KCNQ3: variants seen among roughly 807,000 people sequenced by gnomAD.
The protein encoded by KCNQ3 is potassium voltage-gated channel subfamily Q member 3, also known as potassium voltage-gated channel subfamily KQT member 3.
A neutral mutation model predicts 92.5 loss-of-function variants in KCNQ3; 30 were observed. The observed-to-expected ratio is 0.32, with a 90% CI of 0.24 to 0.44. KCNQ3 has a LOEUF of 0.44. Among genes scored for constraint, KCNQ3 ranks in the 20% least tolerant of loss-of-function variants. The probability of loss-of-function intolerance (pLI) is 1.00; values close to 1 mark genes in which losing one functional copy is unlikely to be tolerated. For missense variants in KCNQ3, 913 were observed against 1,140.3 expected (o/e 0.80, Z 2.87); for synonymous variants, 450 against 468.8 (o/e 0.96, Z 0.52).
chr8:132,341,297 A>C (rs1375575144), intron 1 of KCNQ3, among the ~76,000 whole-genome samples: 1 of 152,206 alleles, frequency 6.6e-6, no homozygotes, highest in Non-Finnish European at 1.5e-5. Context: ...TGTCATGTTC[A>C]ATCTGTTTCA....
intron 1 of KCNQ3, among the ~76,000 whole-genome samples, chr8:132,254,560 A>G (rs1272069505): frequency 6.6e-6 from 1 of 152,138 alleles, no homozygotes; most frequent in African/African-American, 2.4e-5. Flanking sequence ...TTCTCTTTGC[A>G]TTCCTAAAGG....
Position 132,480,860 on chromosome 8 carries a change from G to T in KCNQ3, c.-328C>A, listed in dbSNP as rs544885172. The T allele has an allele frequency of 5.5e-3, 862 of 157,892 alleles. 19 individuals are homozygous for T. Among genetic ancestry groups the T allele is most frequent in the African/African-American group, 0.02 (821 of 41,322 alleles). The allele number at this position is 157,892 out of a possible 1,614,324, so 9.8% of individuals were successfully genotyped here. ...TAGGGCGCGCGGCGGCGGGAGCCTG[G>T]AACCGGCGCTCCGGGGCGGCGGCGG... On this transcript the variant is annotated 5_prime_UTR_variant, in exon 1 of 15. Coordinates refer to ENST00000388996, the MANE Select transcript of KCNQ3 (RefSeq NM_004519.4).
intron 1 of KCNQ3, among the ~76,000 whole-genome samples, chr8:132,259,862 A>G (rs1029033434): frequency 6.6e-6 from 1 of 152,180 alleles, no homozygotes; most frequent in African/African-American, 2.4e-5. Context: ...CTAGCAAGAA[A>G]CATTCTGAAA....
chr8:132,441,454 T>A (rs1821533219), intron 1 of KCNQ3, among the ~76,000 whole-genome samples: 1 of 152,066 alleles, frequency 6.6e-6, no homozygotes, highest in African/African-American at 2.4e-5. Flanking sequence ...CCCGGGAGGC[T>A]GAGGCAGGAG....
chr8:132,161,271 G>A (rs1825977506), intron 9 of KCNQ3, among the ~76,000 whole-genome samples: 1 of 152,178 alleles, frequency 6.6e-6, no homozygotes. Context: ...ATAAACAAGT[G>A]TATAGGCTAC....
chr8:132,358,080 A>C (rs1819065368), intron 1 of KCNQ3, among the ~76,000 whole-genome samples: 1 of 152,094 alleles, frequency 6.6e-6, no homozygotes, highest in Non-Finnish European at 1.5e-5. Context: ...TCCTCACAAA[A>C]AAGGAGCTTC....
At chr8:132,345,152 T>G (rs1053998603) in intron 1 of KCNQ3, among the ~76,000 whole-genome samples, 1 of 152,186 alleles carries the variant, frequency 6.6e-6, no homozygotes, top group East Asian at 1.9e-4. Flanking sequence ...CTGATGAAAT[T>G]TAGAATAATA....
chr8:132,191,970 T>C (rs1289296929), intron 1 of KCNQ3, among the ~76,000 whole-genome samples: 1 of 152,182 alleles, frequency 6.6e-6, no homozygotes, highest in African/African-American at 2.4e-5. Flanking sequence ...AGAAGCTACT[T>C]GCGGACCTGC....
Position 132,175,475 on chromosome 8 carries a change from G to C in KCNQ3, c.911C>G (p.Ala304Gly). 2 of 1,614,178 alleles carry C rather than the reference G, an allele frequency of 1.2e-6. No homozygotes were observed. The highest frequency in any genetic ancestry group is 1.7e-6 in the Non-Finnish European group (2 of 1,180,016). Residue 304 changes from alanine to glycine, a missense_variant, in exon 5 of 15, where the codon GCA (alanine) becomes GGA (glycine). Around this residue, in one of 6 missense-constraint regions of KCNQ3, gnomAD observed 52 missense variants for 127.7 expected, o/e 0.41. Transcript: ENST00000388996. ...CACCAGGCCCCACCACAGGGCATCTGCATAGGTCTCAAACTCCTCTTTCAT... is the reference window on the plus strand; with the variant it reads ...CACCAGGCCCCACCACAGGGCATCTCCATAGGTCTCAAACTCCTCTTTCAT... Reference protein sequence around the residue: ...EEMKEEFETYADALWWGLITL... With the variant: ...EEMKEEFETYGDALWWGLITL...
At chr8:132,436,569 T>C (rs936634481) in intron 1 of KCNQ3, among the ~76,000 whole-genome samples, 3 of 152,216 alleles carry the variant, frequency 2.0e-5, no homozygotes, top group African/African-American at 7.2e-5. Flanking sequence ...TTGGGGATTA[T>C]TTGTACAGGA....
rs777348742 is a variant in KCNQ3 at position 132,175,528 on chromosome 8, G to T, written c.858C>A (p.Val286=). ...SFLVYLVEKD[V]PEVDAQGEEM... Reference sequence around the variant, plus strand: ...CCTCTCCTTGTGCATCCACCTCTGGGACGTCTTTCTCAACCAGGTAGACAA... The same window carrying T: ...CCTCTCCTTGTGCATCCACCTCTGGTACGTCTTTCTCAACCAGGTAGACAA... The change falls in exon 5 of 15, where the codon GTC becomes GTA. Residue 286 remains valine (V), a synonymous_variant. Transcript: ENST00000388996. 1.2e-6 allele frequency: 2 copies of T among 1,614,164 alleles called. No homozygotes were observed. The highest frequency in any genetic ancestry group is 8.5e-7 in the Non-Finnish European group (1 of 1,180,014).
At chr8:132,133,437 CCT>C (rs1824954269) in intron 13 of KCNQ3, among the ~76,000 whole-genome samples, 1 of 142,186 alleles carries the variant, frequency 7.0e-6, no homozygotes, top group Admixed American at 7.5e-5. Context: ...CTCACTGCAA[CCT>C]CTGACTCCCT....
intron 1 of KCNQ3, among the ~76,000 whole-genome samples, chr8:132,193,158 G>C (rs1827208379): frequency 2.0e-5 from 3 of 152,162 alleles, no homozygotes; most frequent in South Asian, 4.1e-4. Context: ...GTCTTGGGGA[G>C]AGCCAATAGC....
chr8:132,375,331 G>A (rs972820019), intron 1 of KCNQ3, among the ~76,000 whole-genome samples: 5 of 141,674 alleles, frequency 3.5e-5, no homozygotes, highest in Non-Finnish European at 7.5e-5. Flanking sequence ...AATCACTACT[G>A]AAAAGAATGG....
At chr8:132,353,255 A>T (rs1225922099) in intron 1 of KCNQ3, among the ~76,000 whole-genome samples, 2 of 151,954 alleles carry the variant, frequency 1.3e-5, no homozygotes, top group East Asian at 3.9e-4. Context: ...CGCCAAAAAA[A>T]GTAGGATTTT....
At chr8:132,380,415 CCT>C (rs1267957792) in intron 1 of KCNQ3, among the ~76,000 whole-genome samples, 4 of 152,180 alleles carry the variant, frequency 2.6e-5, no homozygotes, top group Non-Finnish European at 5.9e-5. Flanking sequence ...ATTTTCCCGA[CCT>C]TATTGGATCA....
intron 1 of KCNQ3, among the ~76,000 whole-genome samples, chr8:132,449,819 C>T (rs1232799141): frequency 6.6e-6 from 1 of 152,150 alleles, no homozygotes; most frequent in Non-Finnish European, 1.5e-5. Context: ...GAGCAAGGGA[C>T]AGTTAAGAAC....
In KCNQ3 at chr8:132,184,418, C is replaced by T. The variant is rs776350720; in HGVS notation, c.478-51G>A. ...CACTGATTAACCGAGATCCACTTGT[C>T]GGGAGCTGGTGATTTCTATTCGGAA... On this transcript the variant is annotated intron_variant, in intron 2 of 14. Transcript: ENST00000388996. The T allele has an allele frequency of 2.1e-5, 31 of 1,510,980 alleles. 1 individual carries two copies. Among genetic ancestry groups the T allele is most frequent in the South Asian group, 1.3e-4 (12 of 89,884 alleles). 93.6% of individuals were successfully genotyped at this position (1,510,980 alleles called of 1,614,324 possible).
chr8:132,458,256 C>T (rs1199624917), intron 1 of KCNQ3, among the ~76,000 whole-genome samples: 1 of 152,186 alleles, frequency 6.6e-6, no homozygotes, highest in Non-Finnish European at 1.5e-5. Context: ...CAACAGTTCA[C>T]TACAGTAGCT....
Sources: allele counts gnomAD v4.1 joint callset (sites outside exome capture counted in the v4.1 genomes callset), GRCh38; gene constraint gnomAD v4.1.1; regional missense constraint gnomAD v4.1.1; transcripts MANE v1.5; gene names NCBI Gene and HGNC (gene_info 2026-07-23, HGNC 2026-07-21).